Variants in GAS6 observed in about 807,000 individuals in gnomAD.
The protein encoded by GAS6 is growth arrest-specific protein 6.
A neutral mutation model predicts 75.8 loss-of-function variants in GAS6; 41 were observed. The ratio of observed to expected loss-of-function variants is 0.54; its 90% CI spans 0.42 to 0.70. The LOEUF (loss-of-function observed/expected upper bound fraction) is 0.70, where lower values mean the gene tolerates loss of function less well. Among genes scored for constraint, GAS6 ranks in the 30% least tolerant of loss-of-function variants. GAS6 has a pLI of 0.00. For synonymous variants in GAS6, 432 were observed against 412.6 expected (o/e 1.05, Z -0.57); for missense variants, 854 against 940.2 (o/e 0.91, Z 1.20).
chr13:113,847,151 G>A, intron 3 of GAS6: 1 of 320,628 alleles, frequency 3.1e-6, no homozygotes, highest in East Asian at 1.0e-4. Context: ...CCCTTCAGTG[G>A]GTTACTGTTG....
chr13:113,850,337 A>G (rs2051863646), intron 2 of GAS6, among the ~76,000 whole-genome samples: 2 of 152,104 alleles, frequency 1.3e-5, no homozygotes, highest in African/African-American at 4.8e-5. Context: ...GGAGGCCGGA[A>G]TTTAGAACCA....
intron 14 of GAS6, 159 bp from the exon 15 acceptor site, chr13:113,821,177 C>T (rs746295362): frequency 2.1e-4 from 159 of 745,680 alleles, no homozygotes; most frequent in Non-Finnish European, 3.0e-4. Context: ...TTCGTTTGGC[C>T]GCAGACCCGG....
At chr13:113,861,265 A>G (rs2051969116) in intron 2 of GAS6, among the ~76,000 whole-genome samples, 1 of 152,130 alleles carries the variant, frequency 6.6e-6, no homozygotes, top group Non-Finnish European at 1.5e-5. Context: ...GGTGCGTGTT[A>G]ACTAACGGCG....
At chr13:113,843,863 C>T (rs12583824) in intron 4 of GAS6, 12,244 of 150,926 alleles carry the variant, frequency 0.081, 1,137 homozygotes, top group East Asian at 0.14. Flanking sequence ...CAGGACAGCA[C>T]CGTGAGCACC....
At chr13:113,847,484 G>C (rs1202840726) in intron 3 of GAS6, among the ~76,000 whole-genome samples, 1 of 152,232 alleles carries the variant, frequency 6.6e-6, no homozygotes, top group Non-Finnish European at 1.5e-5. Flanking sequence ...TCACTTTCTT[G>C]CTGTCCTCCC....
rs773799258 is a variant in GAS6 at position 113,837,148 on chromosome 13, C to T, written c.589+921G>A. Among the ~76,000 whole-genome samples, 2 of 151,842 alleles carry T rather than the reference C, an allele frequency of 1.3e-5. No homozygotes were observed. Among genetic ancestry groups the T allele is most frequent in the African/African-American group, 2.4e-5 (1 of 41,272 alleles). On this transcript the variant is annotated intron_variant, in intron 6 of 14. Coordinates refer to ENST00000327773, the MANE Select transcript of GAS6 (RefSeq NM_000820.4). This position sits in a 1 kb window ranked among gnomAD's most constrained non-coding sequence, Gnocchi z 5.1. ...GCAGTGATGGGAGGGGCTCTGTCCT[C>T]GGCGGGGAAATGGGTTTATGTGTTA...
chr13:113,838,650 G>A (rs1204343406), intron 5 of GAS6, among the ~76,000 whole-genome samples: 5 of 109,810 alleles, frequency 4.6e-5, no homozygotes, highest in Non-Finnish European at 9.2e-5. Flanking sequence ...CCCGCAGCAG[G>A]AGGAAGGGAC....
intron 2 of GAS6, among the ~76,000 whole-genome samples, chr13:113,860,130 G>C: frequency 6.6e-6 from 1 of 152,220 alleles, no homozygotes; most frequent in East Asian, 1.9e-4. Flanking sequence ...AGAAGAGAGA[G>C]ACTGGGACAG....
chr13:113,849,625 A>G (rs1005564015), intron 2 of GAS6, among the ~76,000 whole-genome samples: 1 of 152,258 alleles, frequency 6.6e-6, no homozygotes, highest in Non-Finnish European at 1.5e-5. Context: ...ACAGCTTTAC[A>G]GCAAGTGTGT....
intron 3 of GAS6, 90 bp from the exon 4 acceptor site, chr13:113,846,679 G>A (rs2051836289): frequency 2.9e-6 from 3 of 1,049,200 alleles, no homozygotes; most frequent in East Asian, 4.7e-5. Flanking sequence ...TGGAGAGGCA[G>A]TTACTCTGCT....
intron 4 of GAS6, chr13:113,842,383 GGC>G: frequency 7.6e-6 from 3 of 392,678 alleles, no homozygotes; most frequent in Non-Finnish European, 1.3e-5. Flanking sequence ...CAGGGGCTGG[GGC>G]TGGCCTTCGG....
intron 10 of GAS6, among the ~76,000 whole-genome samples, chr13:113,830,699 G>C (rs1181854612): frequency 8.7e-6 from 1 of 114,530 alleles, no homozygotes; most frequent in Non-Finnish European, 1.7e-5. Context: ...CCTGCCCCGG[G>C]CCCCTCCTCC....
intron 10 of GAS6, 62 bp from the exon 11 acceptor site, chr13:113,828,773 G>T: frequency 6.4e-7 from 1 of 1,551,192 alleles, no homozygotes; most frequent in Non-Finnish European, 8.8e-7. Context: ...GCTCCCAACT[G>T]AGAAAAACCA....
intron 2 of GAS6, among the ~76,000 whole-genome samples, chr13:113,861,139 GGCAGGTTA>G (rs2051968155): frequency 6.6e-6 from 1 of 152,380 alleles, no homozygotes; most frequent in Admixed American, 6.5e-5. Context: ...ACACACTTCG[GGCAGGTTA>G]GCAGTTTAGC....
chr13:113,861,587 G>A lies in GAS6; in HGVS notation c.255+1988C>T, dbSNP rs146104932. On this transcript the variant is annotated intron_variant, in intron 2 of 14. Transcript: ENST00000327773. ...GAAGTTGTGCTTGGACAGTCCCCTC[G>A]GGCCTGGGGTCTCCCAAGAGTGTGG... is the stretch of plus-strand genomic sequence containing the variant. Among the ~76,000 whole-genome samples the A allele has an allele frequency of 3.3e-4, 50 of 152,278 alleles. No homozygotes were observed. In the East Asian group the frequency reaches 6.6e-3, roughly 20 times the overall value.
rs375484644 is a variant in GAS6, at chr13:113,831,528, C to T, written c.1143+771G>A. Among the ~76,000 whole-genome samples, 12 of 152,080 alleles carry T rather than the reference C, an allele frequency of 7.9e-5. No homozygotes were observed. In the South Asian group the frequency reaches 1.0e-3, roughly 13 times the overall value. ...CCTGGCTTCTGTTCCCCACTCTGCT[C>T]GGGATAAACAGCATGGCCTCCAGAC... On this transcript the variant is annotated intron_variant, in intron 10 of 14. Transcript: ENST00000327773.
In GAS6 at chr13:113,863,762, G is replaced by A. The variant is rs544616035; in HGVS notation, c.89-21C>T. On this transcript the variant is annotated intron_variant, in intron 1 of 14. Transcript: ENST00000327773. This position sits in a 1 kb window ranked among gnomAD's most constrained non-coding sequence, Gnocchi z 9.4. ...CGCGGCTGCCCGGAGGGAGAGAGGGGGACGCGTCAAGCCGCGCCCGGAGCC... is the reference window on the plus strand; with the variant it reads ...CGCGGCTGCCCGGAGGGAGAGAGGGAGACGCGTCAAGCCGCGCCCGGAGCC... 2.0e-6 allele frequency: 3 copies of A among 1,470,696 alleles called. No homozygotes were observed. Among genetic ancestry groups the A allele is most frequent in the South Asian group, 1.3e-5 (1 of 77,390 alleles). 91.1% of individuals were successfully genotyped at this position (1,470,696 alleles called of 1,614,324 possible). A position where few individuals can be genotyped will look rare whatever the true frequency, so the allele number is the denominator to read the frequency against.
intron 2 of GAS6, among the ~76,000 whole-genome samples, chr13:113,859,520 T>G (rs59957530): frequency 0.096 from 14,509 of 151,094 alleles, 918 homozygotes; most frequent in East Asian, 0.17. Context: ...GTGTGCCTGT[T>G]TATGTGTGTG....
chr13:113,829,013 C>T (rs1187403100), intron 10 of GAS6, among the ~76,000 whole-genome samples: 3 of 93,008 alleles, frequency 3.2e-5, no homozygotes, highest in Non-Finnish European at 5.7e-5. Context: ...TCAGGGAGAC[C>T]ACCTGATCCT....
Sources: gnomAD v4.1 joint callset for allele counts (sites outside exome capture counted in the v4.1 genomes callset) on GRCh38, gnomAD v4.1.1 for gene constraint, Gnocchi (gnomAD v3.1) non-coding constraint, MANE v1.5 for transcripts, NCBI Gene and HGNC (gene_info 2026-07-23, HGNC 2026-07-21) for gene names.